The following GPNMB variants were observed in gnomAD, a reference collection of about 807,000 sequenced individuals.
GPNMB encodes glycoprotein nmb.
GPNMB carries 71 observed loss-of-function variants against 57.3 expected under a neutral mutation model. The observed-to-expected ratio is 1.24, with a 90% confidence interval of 1.02 to 1.51. The LOEUF is 1.51. Among genes scored for constraint, GPNMB ranks in the 40% most tolerant of loss-of-function variants. The pLI is 0.00. For synonymous variants in GPNMB, 253 were observed against 263.2 expected (o/e 0.96, Z 0.38); for missense variants, 677 against 691.9 (o/e 0.98, Z 0.24).
chr7:23,273,388 A>G, intron 9 of GPNMB, 133 bp from the exon 10 acceptor site: 2 of 633,520 alleles, frequency 3.2e-6, no homozygotes, highest in South Asian at 3.8e-5. Context: ...TTTAATAGAA[A>G]AGATTACTGA....
chr7:23,269,358 C>G (rs888826260), intron 8 of GPNMB, among the ~76,000 whole-genome samples: 4 of 152,098 alleles, frequency 2.6e-5, no homozygotes, highest in African/African-American at 9.7e-5. Flanking sequence ...TGCACTCCAG[C>G]CTGGGCAACA....
rs962919380 is a variant in GPNMB, at chr7:23,253,576, A to C, written c.223+117A>C. 72 of 837,254 alleles carry C rather than the reference A, an allele frequency of 8.6e-5. No homozygotes were observed. The African/African-American group carries it at 9.7e-4, about 11-fold the overall frequency. 51.9% of individuals were successfully genotyped at this position (837,254 alleles called of 1,614,324 possible). On this transcript the variant is annotated intron_variant, in intron 2 of 10. Transcript: ENST00000258733. Reference sequence around the variant, plus strand: ...CATTTCCACGAATGACAGTGCTCTCATTACCAAGTGGGGAGGCACCTGGAC... The same window carrying C: ...CATTTCCACGAATGACAGTGCTCTCCTTACCAAGTGGGGAGGCACCTGGAC...
chr7:23,266,489 C>G (rs1166319617), intron 6 of GPNMB, 28 bp from the exon 7 acceptor site: 1 of 1,607,922 alleles, frequency 6.2e-7, no homozygotes, highest in Non-Finnish European at 8.5e-7. Flanking sequence ...AGCAACTACT[C>G]TAAAATCTTA....
At chr7:23,254,056 T>G in intron 2 of GPNMB, 113 bp from the exon 3 acceptor site, 1 of 764,932 alleles carries the variant, frequency 1.3e-6, no homozygotes, top group South Asian at 3.1e-5. Flanking sequence ...ATTTAATATA[T>G]TATAAAGAGG....
At chr7:23,272,827 A>T (rs1049598199) in intron 9 of GPNMB, among the ~76,000 whole-genome samples, 2 of 151,082 alleles carry the variant, frequency 1.3e-5, no homozygotes, top group African/African-American at 4.9e-5. Flanking sequence ...GTTACATGGA[A>T]AACTTTAAAG....
rs1259932850 is a variant in GPNMB at position 23,274,487 on chromosome 7, T to C, written c.*263T>C. The C allele has an allele frequency of 3.2e-6, 1 of 314,946 alleles. No homozygotes were observed. Among genetic ancestry groups the C allele is most frequent in the Admixed American group, 4.7e-5 (1 of 21,210 alleles). The allele number at this position is 314,946 out of a possible 1,614,324, so 19.5% of individuals were successfully genotyped here. A position where few individuals can be genotyped will look rare whatever the true frequency, so the allele number is the denominator to read the frequency against. ...TTTTTATGTTTCACTTATAAAGTCTTAGGTAACTAGTAGGATAGAAACACT... is the reference window on the plus strand; with the variant it reads ...TTTTTATGTTTCACTTATAAAGTCTCAGGTAACTAGTAGGATAGAAACACT... On this transcript the variant is annotated 3_prime_UTR_variant, in exon 11 of 11. Coordinates refer to ENST00000258733, the MANE Select transcript of GPNMB (RefSeq NM_002510.3).
rs963046585 is a variant in GPNMB at position 23,265,524 on chromosome 7, C to G, written c.1019-993C>G. 3.9e-5 allele frequency among the ~76,000 whole-genome samples: 6 copies of G among 152,210 alleles called. No individual in the cohort carries two copies. In the South Asian group the frequency reaches 1.0e-3, roughly 26 times the overall value. On this transcript the variant is annotated intron_variant, in intron 6 of 10. Coordinates refer to ENST00000258733, the MANE Select transcript of GPNMB (RefSeq NM_002510.3). ...TTCAAGGCTTATTTTTCAAAAATGT[C>G]TTGTATTCCCTCCTTTCCTTCCTCA...
rs1399349156 is a variant in GPNMB at position 23,263,224 on chromosome 7, T to C, written c.1018+2451T>C. 2.6e-5 allele frequency among the ~76,000 whole-genome samples: 4 copies of C among 152,202 alleles called. No homozygotes were observed. In the East Asian group the frequency reaches 7.7e-4, roughly 29 times the overall value. ...ACTAGCTTGTTTTTCTTATAAACTA[T>C]TTATATCATAGCATGTTTTAAAAAT... On this transcript the variant is annotated intron_variant, in intron 6 of 10. Coordinates refer to ENST00000258733, the MANE Select transcript of GPNMB (RefSeq NM_002510.3).
chr7:23,260,456 A>G lies in GPNMB; in HGVS notation c.701A>G (p.Asp234Gly). ...AQVKDVYVVT[D>G]QIPVFVTMFQ... The stretch of plus-strand genomic sequence containing the variant: ...TTTCTTTGGGGGATGTATCTTTTAG[A>G]TCAGATTCCTGTGTTTGTGACTATG... Residue 234 changes from aspartate (D) to glycine (G), a missense_variant and splice_region_variant, in exon 6 of 11, where the codon GAT (aspartate) becomes GGT (glycine). By Grantham distance (94) the Asp-to-Gly change is moderately conservative (BLOSUM62 -1). Transcript: ENST00000258733. 6.2e-7 allele frequency: 1 copy of G among 1,606,288 alleles called. No individual in the cohort carries two copies. The highest frequency in any genetic ancestry group is 8.5e-7 in the Non-Finnish European group (1 of 1,174,774).
At chr7:23,273,754 A>G in intron 10 of GPNMB, 140 bp downstream of exon 10, 1 of 625,712 alleles carries the variant, frequency 1.6e-6, no homozygotes, top group African/African-American at 1.8e-5. Flanking sequence ...TGAATGGTGA[A>G]TACCAAACTG....
At position 23,274,083 on chromosome 7, in the gene GPNMB, C is replaced by A; in HGVS notation, c.1542C>A (p.Asn514Lys). ...TTTTCAGAAAACACAAGGAATACAA[C>A]CCAATAGAAAATAGTCCTGGGAATG... ...LLVYKKHKEY[N>K]PIENSPGNVV... The change falls in exon 11 of 11, where the codon AAC (asparagine) becomes AAA (lysine). Residue 514 changes from asparagine (N) to lysine (K), a missense_variant. Physicochemically the swap from Asn to Lys is moderately conservative, Grantham distance 94 (BLOSUM62 0). Transcript: ENST00000258733. 1 of 1,611,764 alleles carries A rather than the reference C, an allele frequency of 6.2e-7. No individual in the cohort carries two copies. The highest frequency in any genetic ancestry group is 8.5e-7 in the Non-Finnish European group (1 of 1,178,616).
chr7:23,254,656 A>C (rs982758303), intron 3 of GPNMB, among the ~76,000 whole-genome samples: 3 of 152,232 alleles, frequency 2.0e-5, no homozygotes, highest in Non-Finnish European at 4.4e-5. Flanking sequence ...TGGCTACTCA[A>C]AGAATAGCCA....
intron 3 of GPNMB, among the ~76,000 whole-genome samples, chr7:23,256,347 T>C (rs558480265): frequency 1.3e-5 from 2 of 152,340 alleles, no homozygotes; most frequent in African/African-American, 4.8e-5. Flanking sequence ...GATAGCTATA[T>C]ATATCTATCT....
intron 6 of GPNMB, among the ~76,000 whole-genome samples, chr7:23,265,939 C>T (rs1258635288): frequency 1.3e-5 from 2 of 149,946 alleles, no homozygotes; most frequent in South Asian, 2.2e-4. Flanking sequence ...TTGTATCACA[C>T]ATTTTAATAC....
intron 4 of GPNMB, 74 bp downstream of exon 4, chr7:23,257,139 T>C: frequency 8.0e-7 from 1 of 1,253,732 alleles, no homozygotes. Flanking sequence ...TCTTACTCTA[T>C]AATTGAGAAT....
intron 7 of GPNMB, among the ~76,000 whole-genome samples, chr7:23,267,245 T>C (rs1234680926): frequency 6.6e-6 from 1 of 152,242 alleles, no homozygotes; most frequent in Non-Finnish European, 1.5e-5. Flanking sequence ...GATGGAGTGC[T>C]ACTTTCTGAT....
intron 2 of GPNMB, 58 bp downstream of exon 2, chr7:23,253,517 G>C: frequency 6.9e-7 from 1 of 1,446,946 alleles, no homozygotes; most frequent in South Asian, 1.2e-5. Flanking sequence ...AAGTCTTGTA[G>C]ATGGTAAAGC....
intron 1 of GPNMB, chr7:23,247,456 G>A (rs1024209253): frequency 6.8e-5 from 11 of 162,838 alleles, no homozygotes; most frequent in Non-Finnish European, 1.2e-4. Flanking sequence ...TCAGGCAGGA[G>A]AGGCCAGGGC....
intron 8 of GPNMB, among the ~76,000 whole-genome samples, chr7:23,268,885 A>G (rs1183956617): frequency 1.3e-5 from 2 of 152,184 alleles, no homozygotes; most frequent in Admixed American, 6.5e-5. Context: ...GTCCAGCATC[A>G]GAGCCTGGTC....
Sources: gnomAD v4.1 joint callset for allele counts (sites outside exome capture counted in the v4.1 genomes callset) on GRCh38, gnomAD v4.1.1 for gene constraint, MANE v1.5 for transcripts, NCBI Gene and HGNC (gene_info 2026-07-23, HGNC 2026-07-21) for gene names.